Variants in CFAP97D1 observed in about 807,000 individuals in gnomAD.
CFAP97D1 encodes the protein CFAP97 domain containing 1, also known as sperm axonemal maintenance protein CFAP97D1.
A neutral mutation model predicts 20.5 loss-of-function variants in CFAP97D1; 15 were observed. That is an observed-to-expected ratio of 0.73 (90% CI 0.49 to 1.13). CFAP97D1 has a LOEUF of 1.13. Ranked by LOEUF, CFAP97D1 falls within the 50% of genes most tolerant of loss-of-function variation. CFAP97D1 has a pLI of 0.00. For synonymous variants in CFAP97D1, 58 were observed against 71.2 expected, an observed-to-expected ratio of 0.82 and a Z score of 0.93; for missense variants, 168 against 202.9, an observed-to-expected ratio of 0.83 and a Z score of 1.04.
intron 2 of CFAP97D1, 147 bp downstream of exon 2, chr17:43,781,336 A>G (rs1299116824): frequency 2.9e-6 from 2 of 687,738 alleles, no homozygotes; most frequent in Non-Finnish European, 4.9e-6. Flanking sequence ...CGTCACCCCC[A>G]GTCGTTTTTT....
At chr17:43,782,264 A>T (rs1165535955) in intron 3 of CFAP97D1, among the ~76,000 whole-genome samples, 1 of 152,238 alleles carries the variant, frequency 6.6e-6, no homozygotes, top group Non-Finnish European at 1.5e-5. Context: ...AAGTCCAAAG[A>T]TCAAGGTGCC....
rs1421758645 is a variant in CFAP97D1, at chr17:43,783,201, C to T, written c.336C>T (p.Asn112=). ...FSKSLNRETR[N]RELVRITMEN... ...TCAGCTTAAACAGAGAAACAAGGAA[C>T]CGCGAGCTAGTGAGAATCACCATGG... The change falls in exon 4 of 6, where the codon AAC becomes AAT. Residue 112 remains asparagine (N), a synonymous_variant. Transcript: ENST00000449302. The T allele has an allele frequency of 3.2e-6, 5 of 1,551,478 alleles. No individual in the cohort carries two copies.
At chr17:43,783,046 C>A in intron 3 of CFAP97D1, 134 bp from the exon 4 acceptor site, 2 of 1,069,656 alleles carry the variant, frequency 1.9e-6, no homozygotes, top group Non-Finnish European at 2.7e-6. Flanking sequence ...GTCCCAGGGG[C>A]CTGTGGGCTC....
chr17:43,784,005 A>G (rs1024947622), intron 5 of CFAP97D1, 112 bp downstream of exon 5: 4 of 747,578 alleles, frequency 5.4e-6, no homozygotes, highest in African/African-American at 5.3e-5. Flanking sequence ...TGCTCTTCTC[A>G]TATAATATTG....
Position 43,781,855 on chromosome 17 carries a change from G to A in CFAP97D1, c.277G>A (p.Ala93Thr). 6.4e-7 allele frequency: 1 copy of A among 1,551,148 alleles called. No homozygotes were observed. Among genetic ancestry groups the A allele is most frequent in the Non-Finnish European group, 8.7e-7 (1 of 1,146,500 alleles). Residue 93 changes from alanine to threonine, a missense_variant, in exon 3 of 6, where the codon GCC (alanine) becomes ACC (threonine). Ala to Thr is a moderately conservative substitution (Grantham distance 58). Coordinates refer to ENST00000449302, the MANE Select transcript of CFAP97D1 (RefSeq NM_001136483.3). ...QKIANAHRGP[A>T]KVDCWNEYFS... Reference sequence around the variant, plus strand: ...AATCGCAAATGCCCATCGCGGCCCTGCCAAGGTGGATTGCTGGAATGAATA... The same window carrying A: ...AATCGCAAATGCCCATCGCGGCCCTACCAAGGTGGATTGCTGGAATGAATA...
chr17:43,783,731 A>T, intron 4 of CFAP97D1, 106 bp from the exon 5 acceptor site: 2 of 852,082 alleles, frequency 2.3e-6, no homozygotes, highest in Non-Finnish European at 3.7e-6. Context: ...ACCTCCACTT[A>T]CCGACTTTGG....
At position 43,783,248 on chromosome 17, in the gene CFAP97D1, G is replaced by A; in HGVS notation, c.383G>A (p.Arg128Lys). 6.4e-7 allele frequency: 1 copy of A among 1,551,420 alleles called. No homozygotes were observed. Among genetic ancestry groups the A allele is most frequent in the Non-Finnish European group, 8.7e-7 (1 of 1,146,844 alleles). The change falls in exon 4 of 6, where the codon AGG becomes AAG. Residue 128 changes from arginine (R) to lysine (K), a missense_variant. Physicochemically the swap from Arg to Lys is conservative, Grantham distance 26. Coordinates refer to ENST00000449302, the MANE Select transcript of CFAP97D1 (RefSeq NM_001136483.3). ...ATGGAAAACCAGGGCATTCTGAAGAGGCTTGTTGATCGCAAACCCCACTAT... is the reference window on the plus strand; with the variant it reads ...ATGGAAAACCAGGGCATTCTGAAGAAGCTTGTTGATCGCAAACCCCACTAT... ...ITMENQGILK[R>K]LVDRKPHYDR... is the part of the protein sequence containing the mutation.
Position 43,783,734 on chromosome 17 carries a change from G to T in CFAP97D1, c.439-103G>T, listed in dbSNP as rs182944548. 7.9e-4 allele frequency: 695 copies of T among 879,654 alleles called. 1 individual carries two copies. Among genetic ancestry groups the T allele is most frequent in the Non-Finnish European group, 1.0e-3 (586 of 560,604 alleles). 54.5% of individuals were successfully genotyped at this position (879,654 alleles called of 1,614,324 possible). ...GTGTTTTAAAAAACCTCCACTTACC[G>T]ACTTTGGTCTTTAAATCTTTTCTAA... On this transcript the variant is annotated intron_variant, in intron 4 of 5. Transcript: ENST00000449302.
rs1187032435 is a variant in CFAP97D1 at position 43,784,726 on chromosome 17, T to C, written c.*344T>C. 1 of 152,112 alleles carries C rather than the reference T, an allele frequency of 6.6e-6. No homozygotes were observed. The highest frequency in any genetic ancestry group is 1.5e-5 in the Non-Finnish European group (1 of 68,024). 9.4% of individuals were successfully genotyped at this position (152,112 alleles called of 1,614,324 possible). A position where few individuals can be genotyped will look rare whatever the true frequency, so the allele number is the denominator to read the frequency against. On this transcript the variant is annotated 3_prime_UTR_variant, in exon 6 of 6. Coordinates refer to ENST00000449302, the MANE Select transcript of CFAP97D1 (RefSeq NM_001136483.3). ...TGGGGTGAGATCATCCAGCCACAAGTACAGCACTGTCAAAATGGAAAACGA... is the reference window on the plus strand; with the variant it reads ...TGGGGTGAGATCATCCAGCCACAAGCACAGCACTGTCAAAATGGAAAACGA...
Position 43,787,493 on chromosome 17 carries a change from T to C in CFAP97D1, c.*3111T>C, listed in dbSNP as rs769952552. ...AATGTCAATATCCTTGTTGTGATAC[T>C]GTACCATATAGTTTTGCACTATGCT... On this transcript the variant is annotated 3_prime_UTR_variant, in exon 6 of 6. Transcript: ENST00000449302. The C allele has an allele frequency of 6.6e-6, 1 of 152,234 alleles. No individual in the cohort carries two copies. Among genetic ancestry groups the C allele is most frequent in the African/African-American group, 2.4e-5 (1 of 41,448 alleles). The allele number at this position is 152,234 out of a possible 1,614,324, so 9.4% of individuals were successfully genotyped here. A position where few individuals can be genotyped will look rare whatever the true frequency, so the allele number is the denominator to read the frequency against.
rs1463009417 is a variant in CFAP97D1 at position 43,783,170 on chromosome 17, T to C, written c.315-10T>C. 1.3e-6 allele frequency: 2 copies of C among 1,551,588 alleles called. No homozygotes were observed. The highest frequency in any genetic ancestry group is 1.2e-5 in the South Asian group (1 of 84,054). ...CTTCTTCACCCATTTCGGGGTTTTGTGTTTTTCAGCTTAAACAGAGAAACA... is the reference window on the plus strand; with the variant it reads ...CTTCTTCACCCATTTCGGGGTTTTGCGTTTTTCAGCTTAAACAGAGAAACA... On this transcript the variant is annotated splice_polypyrimidine_tract_variant and intron_variant, in intron 3 of 5. Transcript: ENST00000449302.
chr17:43,781,624 C>T (rs770498426), intron 2 of CFAP97D1, 150 bp from the exon 3 acceptor site: 410 of 638,906 alleles, frequency 6.4e-4, no homozygotes, highest in Non-Finnish European at 9.2e-4. Context: ...CGTGCCCGGC[C>T]GCCCAGTCTT....
In CFAP97D1 at chr17:43,786,602, C is replaced by G. The variant is rs1415103743; in HGVS notation, c.*2220C>G. 1.3e-5 allele frequency: 2 copies of G among 151,544 alleles called. No individual in the cohort carries two copies. Among genetic ancestry groups the G allele is most frequent in the African/African-American group, 4.9e-5 (2 of 40,796 alleles). The allele number at this position is 151,544 out of a possible 1,614,324, so 9.4% of individuals were successfully genotyped here. On this transcript the variant is annotated 3_prime_UTR_variant, in exon 6 of 6. Coordinates refer to ENST00000449302, the MANE Select transcript of CFAP97D1 (RefSeq NM_001136483.3). ...GTATAGCTCTATGCGGTTTTTGCCA[C>G]ATGTATAGCTTTGTGTAACCACATT...
At chr17:43,781,668 C>T (rs1974475826) in intron 2 of CFAP97D1, 106 bp from the exon 3 acceptor site, 3 of 787,300 alleles carry the variant, frequency 3.8e-6, no homozygotes, top group Admixed American at 4.4e-5. Flanking sequence ...CTGTGGCCCT[C>T]AATGCACCCC....
At position 43,786,164 on chromosome 17, in the gene CFAP97D1, CTT is replaced by C. The variant is rs564134222; in HGVS notation, c.*1783_*1784del. ...AGCAGATAGATTGACATATTCGCCT[CTT>C]GTCTGTTTTTGTTCTTTCTGAATCC... On this transcript the variant is annotated 3_prime_UTR_variant, in exon 6 of 6. Transcript: ENST00000449302. The C allele has an allele frequency of 1.1e-3, 169 of 152,312 alleles. 1 individual carries two copies. The highest frequency in any genetic ancestry group is 4.0e-3 in the African/African-American group (165 of 41,562). The allele number at this position is 152,312 out of a possible 1,614,324, so 9.4% of individuals were successfully genotyped here.
chr17:43,781,880 A>G lies in CFAP97D1; in HGVS notation c.302A>G (p.Tyr101Cys). 6.5e-7 allele frequency: 1 copy of G among 1,546,998 alleles called. No homozygotes were observed. Among genetic ancestry groups the G allele is most frequent in the Non-Finnish European group, 8.8e-7 (1 of 1,142,734 alleles). The change falls in exon 3 of 6, where the codon TAT becomes TGT. Residue 101 changes from tyrosine to cysteine, a missense_variant. Transcript: ENST00000449302. Reference protein sequence around the residue: ...GPAKVDCWNEYFSKSLNRETR... With the variant: ...GPAKVDCWNECFSKSLNRETR... ...GCCAAGGTGGATTGCTGGAATGAAT[A>G]TTTTTCCAAGAGGTAATGTTCTTTG...
At chr17:43,784,183 T>C (rs1425969575) in intron 5 of CFAP97D1, among the ~76,000 whole-genome samples, 200 bp from the exon 6 acceptor site, 3 of 152,234 alleles carry the variant, frequency 2.0e-5, no homozygotes, top group Non-Finnish European at 4.4e-5. Context: ...GGCTTTAAAA[T>C]TGTGCCAAAG....
At chr17:43,782,189 T>G (rs544939146) in intron 3 of CFAP97D1, among the ~76,000 whole-genome samples, 2 of 152,350 alleles carry the variant, frequency 1.3e-5, no homozygotes, top group South Asian at 4.1e-4. Context: ...TAGGGCGCTA[T>G]AGCAAATTGC....
chr17:43,782,653 A>C (rs1339291109), intron 3 of CFAP97D1, among the ~76,000 whole-genome samples: 2 of 152,252 alleles, frequency 1.3e-5, no homozygotes, highest in East Asian at 3.8e-4. Flanking sequence ...ATTTATGGAA[A>C]TAATGACAAT....
Sources: allele counts gnomAD v4.1 joint callset (sites outside exome capture counted in the v4.1 genomes callset), GRCh38; gene constraint gnomAD v4.1.1; transcripts MANE v1.5; gene names NCBI Gene and HGNC (gene_info 2026-07-23, HGNC 2026-07-21).